ZNF469: variants seen among roughly 807,000 people sequenced by gnomAD.
ZNF469 encodes the protein zinc finger protein 469.
In ZNF469, 1 loss-of-function variant was observed where a neutral mutation model predicts 1.0. The observed-to-expected ratio is 1.00, with a 90% CI of 0.35 to 4.73. The LOEUF is 4.73. Ranked by LOEUF, ZNF469 falls within the 30% of genes most tolerant of loss-of-function variation. The pLI, the probability that ZNF469 is intolerant of heterozygous loss-of-function variation, is 0.16. For synonymous variants in ZNF469, 2,703 were observed against 2,363.4 expected, an observed-to-expected ratio of 1.14 and a Z score of -4.17; for missense variants, 6,100 against 5,356.3, an observed-to-expected ratio of 1.14 and a Z score of -4.33.
the ZNF469 span, among the ~76,000 whole-genome samples, chr16:88,304,271 C>T: frequency 6.6e-6 from 1 of 152,224 alleles, no homozygotes; most frequent in African/African-American, 2.4e-5. Flanking sequence ...CCGGCCGCCC[C>T]CACACCAGTG....
At chr16:88,307,952 G>A in the ZNF469 span, among the ~76,000 whole-genome samples, 19 of 152,338 alleles carry the variant, frequency 1.2e-4, no homozygotes, top group African/African-American at 4.6e-4. Context: ...TGTCTTCTAA[G>A]AGTGTTATGG....
At chr16:88,397,068 T>G (rs1019760483) in intron 1 of ZNF469, among the ~76,000 whole-genome samples, 9 of 151,434 alleles carry the variant, frequency 5.9e-5, no homozygotes, top group Non-Finnish European at 1.2e-4. Flanking sequence ...GAGACCCTTC[T>G]GAAGGGAGGC....
chr16:88,123,199 C>T, the ZNF469 span, among the ~76,000 whole-genome samples: 2 of 152,306 alleles, frequency 1.3e-5, no homozygotes, highest in East Asian at 3.9e-4. Flanking sequence ...CCCAACCCGT[C>T]TGCTTTCCCT....
intron 1 of ZNF469, among the ~76,000 whole-genome samples, chr16:88,420,309 G>T (rs546029709): frequency 6.6e-6 from 1 of 152,280 alleles, no homozygotes; most frequent in East Asian, 1.9e-4. Context: ...CCCACACCAG[G>T]GATGGATGCA....
In ZNF469 at chr16:88,432,476, C is replaced by T. The variant is rs200070902; in HGVS notation, c.5006C>T (p.Ala1669Val). ...CCAGCCTCCTTCCATCCGGGACATG[C>T]AGCCCTTCTCCCCTGTGCCCAGGAA... is the stretch of plus-strand genomic sequence containing the variant. ...PCPASFHPGHAALLPCAQEDL... is the reference protein window; with the variant it reads ...PCPASFHPGHVALLPCAQEDL... Residue 1669 changes from alanine to valine, a missense_variant, in exon 3 of 3, where the codon GCA becomes GTA. Ala to Val is a moderately conservative substitution (Grantham distance 64). Transcript: ENST00000565624. 1,792 of 1,550,394 alleles carry T rather than the reference C, an allele frequency of 1.2e-3. No homozygotes were observed. The highest frequency in any genetic ancestry group is 1.5e-3 in the Non-Finnish European group (1,724 of 1,146,990).
At chr16:88,343,171 C>T in the ZNF469 span, among the ~76,000 whole-genome samples, 6 of 152,018 alleles carry the variant, frequency 3.9e-5, no homozygotes, top group African/African-American at 7.2e-5. Context: ...CTCCTGGGTC[C>T]GTGGTAGCCC....
chr16:88,410,805 C>G (rs997953931), intron 1 of ZNF469, among the ~76,000 whole-genome samples: 1 of 152,196 alleles, frequency 6.6e-6, no homozygotes, highest in African/African-American at 2.4e-5. Context: ...TGGTAAAGTT[C>G]ACGGTGGAGG....
chr16:88,196,776 A>T, the ZNF469 span, among the ~76,000 whole-genome samples: 1 of 152,180 alleles, frequency 6.6e-6, no homozygotes, highest in Non-Finnish European at 1.5e-5. Flanking sequence ...GCTCAAGGCC[A>T]CACAGCCAGG....
the ZNF469 span, among the ~76,000 whole-genome samples, chr16:88,287,381 G>T: frequency 6.6e-6 from 1 of 152,242 alleles, no homozygotes; most frequent in Non-Finnish European, 1.5e-5. Flanking sequence ...ATGGCATGTT[G>T]CATTGTAGAC....
chr16:88,318,990 G>A, the ZNF469 span, among the ~76,000 whole-genome samples: 3 of 152,242 alleles, frequency 2.0e-5, no homozygotes, highest in African/African-American at 4.8e-5. Context: ...CTGGGGGTCA[G>A]GACCAGACGG....
intron 1 of ZNF469, among the ~76,000 whole-genome samples, chr16:88,396,037 C>G (rs901562400): frequency 1.3e-5 from 2 of 152,250 alleles, no homozygotes; most frequent in African/African-American, 2.4e-5. Context: ...AGGGCGGACA[C>G]GGGACCATCT....
the ZNF469 span, among the ~76,000 whole-genome samples, chr16:88,134,340 G>A: frequency 2.0e-5 from 3 of 152,182 alleles, no homozygotes; most frequent in Admixed American, 1.3e-4. Context: ...AAACGTTTAC[G>A]AACCACGTGC....
chr16:88,255,316 A>G, the ZNF469 span, among the ~76,000 whole-genome samples: 1 of 152,260 alleles, frequency 6.6e-6, no homozygotes, highest in African/African-American at 2.4e-5. Context: ...TCTATGGGAA[A>G]GGAAACTCAA....
At chr16:88,198,274 C>G in the ZNF469 span, among the ~76,000 whole-genome samples, 1 of 152,180 alleles carries the variant, frequency 6.6e-6, no homozygotes, top group Non-Finnish European at 1.5e-5. Context: ...GGGCTTCTGT[C>G]TCAGATGTGG....
At chr16:88,331,128 G>GTCACCA in the ZNF469 span, among the ~76,000 whole-genome samples, 9 of 123,484 alleles carry the variant, frequency 7.3e-5, no homozygotes, top group African/African-American at 2.5e-4. Context: ...CATCACCATC[G>GTCACCA]TCACCATCAC....
intron 1 of ZNF469, among the ~76,000 whole-genome samples, chr16:88,422,905 C>CAGAT (rs142985118): frequency 0.85 from 120,746 of 141,678 alleles, 52,309 homozygotes; most frequent in South Asian, 0.96. Context: ...GACGGACAGA[C>CAGAT]GGACGGATGG....
chr16:88,360,831 C>A, the ZNF469 span, among the ~76,000 whole-genome samples: 2 of 152,144 alleles, frequency 1.3e-5, no homozygotes, highest in Non-Finnish European at 2.9e-5. Flanking sequence ...CAGTCCACCC[C>A]TGCCCGACAC....
the ZNF469 span, among the ~76,000 whole-genome samples, chr16:88,111,120 A>C: frequency 6.6e-6 from 1 of 152,086 alleles, no homozygotes; most frequent in South Asian, 2.1e-4. Flanking sequence ...CCCCTCCCGC[A>C]CCGCCCCATG....
the ZNF469 span, among the ~76,000 whole-genome samples, chr16:88,168,239 G>T: frequency 6.6e-6 from 1 of 152,238 alleles, no homozygotes; most frequent in African/African-American, 2.4e-5. This position sits in a 1 kb window ranked among gnomAD's most constrained non-coding sequence, Gnocchi z 4.3. Context: ...AACTCAGAGT[G>T]TGGGTGTCTG....
Sources: allele counts gnomAD v4.1 joint callset (sites outside exome capture counted in the v4.1 genomes callset), GRCh38; gene constraint gnomAD v4.1.1; non-coding constraint Gnocchi (gnomAD v3.1); transcripts MANE v1.5; gene names NCBI Gene and HGNC (gene_info 2026-07-23, HGNC 2026-07-21).